Variants in PRKG2 observed in about 807,000 individuals in gnomAD.
PRKG2 encodes the protein protein kinase cGMP-dependent 2, also known as cGMP-dependent protein kinase 2.
Under a neutral mutation model 97.2 loss-of-function variants are expected in PRKG2, and 33 were observed. The ratio of observed to expected loss-of-function variants is 0.34; its 90% CI spans 0.26 to 0.45. PRKG2 has a LOEUF of 0.45. PRKG2 is among the 20% of genes least tolerant of loss of function. The probability of loss-of-function intolerance (pLI) is 1.00; values close to 1 mark genes in which losing one functional copy is unlikely to be tolerated. For missense variants in PRKG2, 638 were observed against 900.0 expected, an observed-to-expected ratio of 0.71 and a Z score of 3.73; for synonymous variants, 330 against 321.8, an observed-to-expected ratio of 1.03 and a Z score of -0.27.
intron 7 of PRKG2, 23 bp downstream of exon 7, chr4:81,153,621 A>T (rs781271146): frequency 6.6e-7 from 1 of 1,519,412 alleles, no homozygotes; most frequent in South Asian, 1.1e-5. Flanking sequence ...TTTTTTATTT[A>T]GTAAGTTTTA....
chr4:81,147,097 C>A (rs780756862), intron 9 of PRKG2, among the ~76,000 whole-genome samples: 1 of 152,246 alleles, frequency 6.6e-6, no homozygotes, highest in South Asian at 2.1e-4. Flanking sequence ...AAATTATACA[C>A]ACATGAACTA....
chr4:81,128,961 T>A (rs1406131273), intron 14 of PRKG2, among the ~76,000 whole-genome samples: 1 of 152,230 alleles, frequency 6.6e-6, no homozygotes, highest in African/African-American at 2.4e-5. Flanking sequence ...TGTGGGCATT[T>A]AGTGCTATAA....
At chr4:81,108,016 C>A (rs1743525286) in intron 15 of PRKG2, among the ~76,000 whole-genome samples, 1 of 151,822 alleles carries the variant, frequency 6.6e-6, no homozygotes, top group Non-Finnish European at 1.5e-5. Flanking sequence ...ACCAGCCTGG[C>A]CAACATGACA....
chr4:81,164,207 T>C (rs1346674869), intron 6 of PRKG2, among the ~76,000 whole-genome samples: 4 of 152,158 alleles, frequency 2.6e-5, no homozygotes, highest in Non-Finnish European at 2.9e-5. Flanking sequence ...CTCATAGAGA[T>C]ATGGCCCACC....
At chr4:81,121,901 G>A (rs1275239209) in intron 14 of PRKG2, among the ~76,000 whole-genome samples, 1 of 152,092 alleles carries the variant, frequency 6.6e-6, no homozygotes, top group Non-Finnish European at 1.5e-5. Context: ...TAGATGACAG[G>A]CAATAATATC....
rs572551453 is a variant in PRKG2, at chr4:81,204,505, A to G, written c.461+82T>C. 22 of 1,391,518 alleles carry G rather than the reference A, an allele frequency of 1.6e-5. No individual in the cohort carries two copies. The African/African-American group carries it at 2.9e-4, about 18-fold the overall frequency. The allele number at this position is 1,391,518 out of a possible 1,614,324, so 86.2% of individuals were successfully genotyped here. A position where few individuals can be genotyped will look rare whatever the true frequency, so the allele number is the denominator to read the frequency against. ...TGAAAGGGTCAATATGTTCTTTATCATTAAGGAGGCTTAATAAATGTCACT... is the reference window on the plus strand; with the variant it reads ...TGAAAGGGTCAATATGTTCTTTATCGTTAAGGAGGCTTAATAAATGTCACT... On this transcript the variant is annotated intron_variant, in intron 2 of 18. Transcript: ENST00000264399.
At chr4:81,093,884 A>C (rs1741854245) in intron 17 of PRKG2, among the ~76,000 whole-genome samples, 1 of 152,178 alleles carries the variant, frequency 6.6e-6, no homozygotes, top group African/African-American at 2.4e-5. Context: ...AAGAACATGA[A>C]ATCATGCTGT....
At chr4:81,178,426 T>C (rs574263969) in intron 2 of PRKG2, among the ~76,000 whole-genome samples, 4 of 152,016 alleles carry the variant, frequency 2.6e-5, no homozygotes, top group Admixed American at 6.6e-5. Context: ...AACAGAACCA[T>C]AGTAGATCAA....
chr4:81,214,717 C>T (rs1182827599), intron 1 of PRKG2, among the ~76,000 whole-genome samples: 2 of 152,224 alleles, frequency 1.3e-5, no homozygotes, highest in Admixed American at 6.5e-5. Flanking sequence ...GTAGCCTTTC[C>T]CTGCCTCCAG....
At chr4:81,142,045 C>T (rs1016252133) in intron 11 of PRKG2, among the ~76,000 whole-genome samples, 2 of 152,276 alleles carry the variant, frequency 1.3e-5, no homozygotes, top group East Asian at 1.9e-4. Flanking sequence ...AAGAAGGACT[C>T]GGTAATTGCC....
chr4:81,196,492 T>A (rs1237679469), intron 2 of PRKG2, among the ~76,000 whole-genome samples: 2 of 152,214 alleles, frequency 1.3e-5, no homozygotes, highest in Non-Finnish European at 2.9e-5. Context: ...TTCTTCTCAC[T>A]TGTACTTCCT....
At chr4:81,158,685 TG>T (rs1749330858) in intron 6 of PRKG2, among the ~76,000 whole-genome samples, 1 of 152,092 alleles carries the variant, frequency 6.6e-6, no homozygotes. Context: ...TCACACTACC[TG>T]ACTTCAAACT....
intron 11 of PRKG2, among the ~76,000 whole-genome samples, chr4:81,141,327 A>G (rs1578409568): frequency 6.6e-6 from 1 of 152,184 alleles, no homozygotes; most frequent in Non-Finnish European, 1.5e-5. Context: ...CTATATCTGT[A>G]CCATCCAATA....
rs1004688251 is a variant in PRKG2, at chr4:81,206,974, G to A, written c.-13-1914C>T. 8.5e-5 allele frequency among the ~76,000 whole-genome samples: 13 copies of A among 152,278 alleles called. No homozygotes were observed. In the Middle Eastern group the frequency reaches 0.01, roughly 120 times the overall value. The stretch of plus-strand genomic sequence containing the variant: ...GGTCATTAATAAACATTAGCCTTTG[G>A]AGAATTGCCTTAATATGTTGCAGAG... On this transcript the variant is annotated intron_variant, in intron 1 of 18. Coordinates refer to ENST00000264399, the MANE Select transcript of PRKG2 (RefSeq NM_006259.3).
intron 17 of PRKG2, among the ~76,000 whole-genome samples, chr4:81,093,384 C>A (rs956921124): frequency 7.3e-5 from 11 of 151,014 alleles, no homozygotes; most frequent in African/African-American, 2.7e-4. Context: ...CACACACACA[C>A]ACACACACAC....
intron 14 of PRKG2, among the ~76,000 whole-genome samples, chr4:81,123,015 T>C (rs1350575197): frequency 6.6e-6 from 1 of 152,226 alleles, no homozygotes; most frequent in African/African-American, 2.4e-5. Context: ...CAGTATATGA[T>C]CAAATTTTGT....
chr4:81,216,939 C>G (rs1190673371), upstream of PRKG2, among the ~76,000 whole-genome samples: 1 of 134,540 alleles, frequency 7.4e-6, no homozygotes, highest in African/African-American at 2.9e-5. Context: ...GTGTAGTACC[C>G]CTGAATCAAA....
intron 3 of PRKG2, among the ~76,000 whole-genome samples, chr4:81,172,825 A>G (rs773798318): frequency 3.3e-5 from 5 of 152,060 alleles, no homozygotes; most frequent in Non-Finnish European, 5.9e-5. Flanking sequence ...CCGAGTACCT[A>G]TGTTGTGCTG....
intron 13 of PRKG2, among the ~76,000 whole-genome samples, 182 bp downstream of exon 13, chr4:81,137,211 A>G (rs1162718206): frequency 1.3e-5 from 2 of 152,186 alleles, no homozygotes; most frequent in East Asian, 3.9e-4. Context: ...GATGACAACA[A>G]CTACCTTACG....
Sources: allele counts gnomAD v4.1 joint callset (sites outside exome capture counted in the v4.1 genomes callset), GRCh38; gene constraint gnomAD v4.1.1; transcripts MANE v1.5; gene names NCBI Gene and HGNC (gene_info 2026-07-23, HGNC 2026-07-21).